The following AOPEP variants were observed in gnomAD, a reference collection of about 807,000 sequenced individuals.
AOPEP encodes the protein aminopeptidase O (putative).
AOPEP carries 77 observed loss-of-function variants against 98.1 expected under a neutral mutation model. The ratio of observed to expected loss-of-function variants is 0.78; its 90% CI spans 0.65 to 0.95. The LOEUF is 0.95. AOPEP is among the 40% of genes least tolerant of loss of function. The pLI, the probability that AOPEP is intolerant of heterozygous loss-of-function variation, is 0.00. For synonymous variants in AOPEP, 346 were observed against 365.3 expected (o/e 0.95, Z 0.60); for missense variants, 1,024 against 1,024.7 (o/e 1.00, Z 0.01).
intron 11 of AOPEP, 63 bp from the exon 12 acceptor site, chr9:95,005,095 C>A: frequency 7.1e-6 from 6 of 843,586 alleles, no homozygotes; most frequent in South Asian, 5.4e-5. Context: ...AGTTAGCGGG[C>A]GCGGGGCAGG....
At chr9:94,732,418 CAGTA>C (rs1041548656) in intron 1 of AOPEP, among the ~76,000 whole-genome samples, 19 of 152,104 alleles carry the variant, frequency 1.2e-4, no homozygotes, top group African/African-American at 4.6e-4. Context: ...CACTGAAAAA[CAGTA>C]AGTAGGTGGC....
At chr9:94,954,740 A>C (rs543113251) in intron 7 of AOPEP, among the ~76,000 whole-genome samples, 3 of 152,344 alleles carry the variant, frequency 2.0e-5, no homozygotes, top group South Asian at 4.1e-4. Context: ...TATTTATTAA[A>C]GGAGCCTTAA....
At chr9:94,871,758 G>A (rs1444276682) in intron 5 of AOPEP, among the ~76,000 whole-genome samples, 1 of 152,136 alleles carries the variant, frequency 6.6e-6, no homozygotes, top group Non-Finnish European at 1.5e-5. Flanking sequence ...TGTAATCCCA[G>A]CACTTTCAGA....
chr9:95,136,111 C>T, the AOPEP span, among the ~76,000 whole-genome samples: 2 of 152,134 alleles, frequency 1.3e-5, no homozygotes, highest in Admixed American at 6.5e-5. Context: ...AATTTCAAGG[C>T]CAGATGCAGT....
intron 5 of AOPEP, among the ~76,000 whole-genome samples, chr9:94,862,703 A>C (rs1325812093): frequency 6.6e-6 from 1 of 152,104 alleles, no homozygotes; most frequent in Admixed American, 6.5e-5. Flanking sequence ...TTCCATCCCC[A>C]CTTGCAATCA....
chr9:95,114,937 T>C, the AOPEP span, among the ~76,000 whole-genome samples: 1 of 152,180 alleles, frequency 6.6e-6, no homozygotes, highest in Non-Finnish European at 1.5e-5. Context: ...ATCTAATCTT[T>C]TAATTTTAGT....
intron 9 of AOPEP, 143 bp from the exon 10 acceptor site, chr9:94,967,615 T>C: frequency 1.6e-6 from 1 of 643,224 alleles, no homozygotes; most frequent in Non-Finnish European, 2.8e-6. Flanking sequence ...ATAAGTTGAG[T>C]CTATAGTCTT....
At chr9:95,097,727 C>T in the AOPEP span, among the ~76,000 whole-genome samples, 2 of 152,080 alleles carry the variant, frequency 1.3e-5, no homozygotes. Context: ...ATGACAGGAG[C>T]GGGAGGGAAG....
intron 9 of AOPEP, among the ~76,000 whole-genome samples, chr9:94,965,961 GC>G (rs1173882792): frequency 1.3e-5 from 2 of 151,028 alleles, no homozygotes; most frequent in Non-Finnish European, 3.0e-5. Flanking sequence ...GTCTGTATTT[GC>G]AGACTTGGTT....
At chr9:94,968,292 A>T (rs949607645) in intron 10 of AOPEP, among the ~76,000 whole-genome samples, 8 of 152,198 alleles carry the variant, frequency 5.3e-5, no homozygotes, top group African/African-American at 1.7e-4. Context: ...TCTGTCACCC[A>T]GGATGGAGTG....
chr9:95,114,429 T>A, the AOPEP span: 1 of 669,656 alleles, frequency 1.5e-6, no homozygotes, highest in Non-Finnish European at 2.7e-6. Context: ...TACATGCGCA[T>A]GCCTATTCAT....
intron 5 of AOPEP, among the ~76,000 whole-genome samples, chr9:94,852,560 A>G (rs2043683325): frequency 6.6e-6 from 1 of 152,240 alleles, no homozygotes; most frequent in Non-Finnish European, 1.5e-5. Context: ...GTGTTTACAC[A>G]AGCCTAACTA....
At chr9:94,842,957 A>G (rs1170943221) in intron 5 of AOPEP, among the ~76,000 whole-genome samples, 1 of 151,998 alleles carries the variant, frequency 6.6e-6, no homozygotes, top group Non-Finnish European at 1.5e-5. Context: ...TCAGTATTTA[A>G]TTATGATTTG....
chr9:94,871,218 A>T (rs2046315893), intron 5 of AOPEP, among the ~76,000 whole-genome samples: 1 of 152,140 alleles, frequency 6.6e-6, no homozygotes, highest in South Asian at 2.1e-4. Context: ...TGCTATCTTT[A>T]GCTTTGCTCT....
chr9:95,039,262 A>T (rs921731197), intron 13 of AOPEP, among the ~76,000 whole-genome samples: 18 of 152,076 alleles, frequency 1.2e-4, no homozygotes, highest in South Asian at 2.1e-4. Flanking sequence ...CTATGGGAAA[A>T]TTTTTTAAAA....
the AOPEP span, chr9:95,117,405 A>G: frequency 3.1e-6 from 5 of 1,610,452 alleles, no homozygotes; most frequent in Non-Finnish European, 3.4e-6. Flanking sequence ...CACAGGATGG[A>G]AAATCCAAAG....
At chr9:95,123,879 C>A in the AOPEP span, 1 of 539,566 alleles carries the variant, frequency 1.9e-6, no homozygotes, top group South Asian at 1.6e-5. Context: ...GGAGTTGAGT[C>A]CTTAAAGTCT....
chr9:94,893,090 A>C (rs752635341), intron 5 of AOPEP, among the ~76,000 whole-genome samples: 27 of 152,354 alleles, frequency 1.8e-4, no homozygotes, highest in African/African-American at 5.5e-4. Flanking sequence ...GAAGACCCTT[A>C]TAGAAAACTG....
rs535974476 is a variant in AOPEP, at chr9:95,078,195, G to A, written c.2233-2499G>A. On this transcript the variant is annotated intron_variant, in intron 14 of 16. Coordinates refer to ENST00000375315, the MANE Select transcript of AOPEP (RefSeq NM_001193329.3). ...ACGTGGAAATACTGACTTCAGATCC[G>A]TGGTGAAAGAGCCTCTTCCACCCGC... 5.3e-5 allele frequency among the ~76,000 whole-genome samples: 8 copies of A among 152,148 alleles called. No homozygotes were observed. The South Asian group carries it at 6.2e-4, about 12-fold the overall frequency.
Sources: allele counts gnomAD v4.1 joint callset (sites outside exome capture counted in the v4.1 genomes callset), GRCh38; gene constraint gnomAD v4.1.1; transcripts MANE v1.5; gene names NCBI Gene and HGNC (gene_info 2026-07-23, HGNC 2026-07-21).